Variants in MLC1 observed in about 807,000 individuals in gnomAD.
MLC1 encodes membrane protein MLC1.
MLC1 carries 32 observed loss-of-function variants against 44.7 expected under a neutral mutation model. That is an observed-to-expected ratio of 0.72 (90% CI 0.54 to 0.96). The LOEUF (loss-of-function observed/expected upper bound fraction) is 0.96, where lower values mean the gene tolerates loss of function less well. Among genes scored for constraint, MLC1 ranks in the 40% least tolerant of loss-of-function variants. The pLI is 0.00. For synonymous variants in MLC1, 190 were observed against 213.0 expected, an observed-to-expected ratio of 0.89 and a Z score of 0.94; for missense variants, 459 against 492.2, an observed-to-expected ratio of 0.93 and a Z score of 0.64.
chr22:50,080,457 A>G (rs532955272), intron 3 of MLC1, 60 bp from the exon 4 acceptor site: 10 of 1,499,460 alleles, frequency 6.7e-6, no homozygotes, highest in Non-Finnish European at 9.1e-7. Flanking sequence ...AGACTCTGAA[A>G]TACTCTAACA....
At chr22:50,065,628 C>T (rs2061685910) in intron 10 of MLC1, among the ~76,000 whole-genome samples, 1 of 152,200 alleles carries the variant, frequency 6.6e-6, no homozygotes. Flanking sequence ...TCCTCGTCCT[C>T]ACCCACATTG....
At position 50,083,851 on chromosome 22, in the gene MLC1, G is replaced by A. The variant is rs773221249; in HGVS notation, c.178-678C>T. On this transcript the variant is annotated intron_variant, in intron 2 of 11. Transcript: ENST00000311597. The surrounding 1 kb of genome is among the most constrained non-coding windows in gnomAD (Gnocchi z 4.6). ...GGGGCAGAGGGGATCTGGCCTGGGC[G>A]GGGGAGGGGCTGCGACCAAGTCCAG... Among the ~76,000 whole-genome samples the A allele has an allele frequency of 2.6e-5, 4 of 152,164 alleles. No individual in the cohort carries two copies. The highest frequency in any genetic ancestry group is 2.1e-4 in the South Asian group (1 of 4,826).
Position 50,061,492 on chromosome 22 carries a change from T to A in MLC1, c.*91A>T, listed in dbSNP as rs2061557713. ...GCCCTCACACAAGGGAAAAGAGGTG[T>A]TAGAAGCAGTAGCTCAGGGCGATTA... On this transcript the variant is annotated 3_prime_UTR_variant, in exon 12 of 12. Transcript: ENST00000311597. 1 of 1,349,890 alleles carries A rather than the reference T, an allele frequency of 7.4e-7. No homozygotes were observed. The highest frequency in any genetic ancestry group is 1.2e-5 in the South Asian group (1 of 86,012). The allele number at this position is 1,349,890 out of a possible 1,614,324, so 83.6% of individuals were successfully genotyped here.
rs374553511 is a variant in MLC1, at chr22:50,068,729, T to TCTTTTC, written c.772-175_772-174insGAAAAG. ...TGCCTTTTCTTTTTTCTTTTTCTTT[T>TCTTTTC]TTTTTTTTTTTTTTTTTGAGACAAG... is the stretch of plus-strand genomic sequence containing the variant. On this transcript the variant is annotated intron_variant, in intron 9 of 11. Transcript: ENST00000311597. Among the ~76,000 whole-genome samples the TCTTTTC allele has an allele frequency of 7.9e-5, 9 of 114,316 alleles. 1 individual carries two copies. The highest frequency in any genetic ancestry group is 2.7e-4 in the South Asian group (1 of 3,676). 75.0% of individuals were successfully genotyped at this position (114,316 alleles called of 152,430 possible).
At chr22:50,063,759 C>A (rs1181618338) in intron 11 of MLC1, among the ~76,000 whole-genome samples, 1 of 140,890 alleles carries the variant, frequency 7.1e-6, no homozygotes. Flanking sequence ...ACCCCACAGG[C>A]TTCTCACCTC....
intron 3 of MLC1, among the ~76,000 whole-genome samples, chr22:50,081,114 C>T (rs1232279060): frequency 4.0e-5 from 6 of 151,108 alleles, no homozygotes; most frequent in Admixed American, 2.6e-4. Flanking sequence ...GAGGCTGAGG[C>T]GGGTGGATCA....
rs760658730 is a variant in MLC1 at position 50,064,101 on chromosome 22, A to C, written c.992T>G (p.Val331Gly). The change falls in exon 11 of 12, where the codon GTC becomes GGC. Residue 331 changes from valine to glycine, a missense_variant. Coordinates refer to ENST00000311597, the MANE Select transcript of MLC1 (RefSeq NM_015166.4). ...GGATGCACCCTGCAGCCTTGCACTGACCTTGAAGCGCACGCACTGGATGGC... is the reference window on the plus strand; with the variant it reads ...GGATGCACCCTGCAGCCTTGCACTGCCCTTGAAGCGCACGCACTGGATGGC... ...GTAIQCVRFK[V>G]SARLQGASWD... The C allele has an allele frequency of 1.2e-6, 2 of 1,605,124 alleles. No individual in the cohort carries two copies. Among genetic ancestry groups the C allele is most frequent in the South Asian group, 1.1e-5 (1 of 90,596 alleles).
chr22:50,074,143 T>C, intron 8 of MLC1, 73 bp downstream of exon 8: 1 of 1,299,346 alleles, frequency 7.7e-7, no homozygotes. Context: ...AAGACTGAGC[T>C]CGGGGCCCAG....
intron 10 of MLC1, 93 bp downstream of exon 10, chr22:50,068,340 G>C (rs971621451): frequency 1.3e-6 from 2 of 1,531,730 alleles, no homozygotes; most frequent in Non-Finnish European, 8.9e-7. Context: ...CCTGGAGCCA[G>C]CGCCCCCAGA....
intron 10 of MLC1, among the ~76,000 whole-genome samples, chr22:50,067,028 AGGCTCACTCAGGAGATGGCCCCT>A (rs2061716795): frequency 6.6e-6 from 1 of 152,196 alleles, no homozygotes; most frequent in Non-Finnish European, 1.5e-5. Context: ...GGGAAGCCTC[AGGCTCACTCAGGAGATGGCCCCT>A]GGGTGGTAAT....
chr22:50,081,689 G>A (rs1183403965), intron 3 of MLC1, among the ~76,000 whole-genome samples: 1 of 152,266 alleles, frequency 6.6e-6, no homozygotes, highest in Non-Finnish European at 1.5e-5. Context: ...AGCCCCGTCG[G>A]GGCCTGAGCG....
At chr22:50,076,438 C>G (rs2061982206) in intron 7 of MLC1, among the ~76,000 whole-genome samples, 1 of 152,032 alleles carries the variant, frequency 6.6e-6, no homozygotes, top group South Asian at 2.1e-4. Flanking sequence ...GCCTGTAGTC[C>G]CAGCTCCTCA....
chr22:50,075,744 A>T (rs1001596652), intron 7 of MLC1, among the ~76,000 whole-genome samples: 1 of 152,206 alleles, frequency 6.6e-6, no homozygotes, highest in Non-Finnish European at 1.5e-5. Context: ...GCAGAACGGA[A>T]ATGGAACCTA....
chr22:50,075,471 G>A (rs1368873820), intron 7 of MLC1, among the ~76,000 whole-genome samples: 2 of 152,172 alleles, frequency 1.3e-5, no homozygotes, highest in African/African-American at 2.4e-5. Context: ...TAGCACTTTG[G>A]GAGGCCGAGG....
chr22:50,071,081 T>C (rs536404045), intron 8 of MLC1, among the ~76,000 whole-genome samples: 49 of 152,006 alleles, frequency 3.2e-4, no homozygotes, highest in Admixed American at 2.6e-3. Context: ...GTTCTTTCTT[T>C]TTAATTTTTT....
chr22:50,061,497 A>G lies in MLC1; in HGVS notation c.*86T>C. 3 of 1,380,988 alleles carry G rather than the reference A, an allele frequency of 2.2e-6. No homozygotes were observed. The highest frequency in any genetic ancestry group is 2.2e-4 in the Middle Eastern group (1 of 4,494). 85.5% of individuals were successfully genotyped at this position (1,380,988 alleles called of 1,614,324 possible). A position where few individuals can be genotyped will look rare whatever the true frequency, so the allele number is the denominator to read the frequency against. On this transcript the variant is annotated 3_prime_UTR_variant, in exon 12 of 12. Transcript: ENST00000311597. ...CACACAAGGGAAAAGAGGTGTTAGA[A>G]GCAGTAGCTCAGGGCGATTAGGGGT...
At chr22:50,075,126 TCAGGGAGGGGCC>T (rs1278465406) in intron 7 of MLC1, among the ~76,000 whole-genome samples, 6 of 141,688 alleles carry the variant, frequency 4.2e-5, no homozygotes, top group South Asian at 2.1e-4. Flanking sequence ...ACCGCCAGAC[TCAGGGAGGGGCC>T]GCAACCAGCA....
intron 11 of MLC1, among the ~76,000 whole-genome samples, chr22:50,062,263 A>G (rs1391509544): frequency 6.1e-5 from 7 of 115,210 alleles, no homozygotes; most frequent in Non-Finnish European, 1.1e-4. Flanking sequence ...CCTGAGCCCA[A>G]GCCACCCACC....
chr22:50,084,640 C>T (rs1449474196), intron 2 of MLC1, 86 bp downstream of exon 2: 9 of 1,448,920 alleles, frequency 6.2e-6, no homozygotes. Flanking sequence ...CTCTCTGTCC[C>T]ACCTGGGGCT....
Sources: allele counts gnomAD v4.1 joint callset (sites outside exome capture counted in the v4.1 genomes callset), GRCh38; gene constraint gnomAD v4.1.1; non-coding constraint Gnocchi (gnomAD v3.1); transcripts MANE v1.5; gene names NCBI Gene and HGNC (gene_info 2026-07-23, HGNC 2026-07-21).